Variants in COL27A1 observed in about 807,000 individuals in gnomAD.
COL27A1 encodes the protein collagen type XXVII alpha 1 chain.
In COL27A1, 106 loss-of-function variants were observed where a neutral mutation model predicts 251.3. The observed-to-expected ratio is 0.42, with a 90% CI of 0.36 to 0.50. The LOEUF is 0.50. Among genes scored for constraint, COL27A1 ranks in the 20% least tolerant of loss-of-function variants. The pLI is 0.00. For synonymous variants in COL27A1, 1,000 were observed against 986.3 expected, an observed-to-expected ratio of 1.01 and a Z score of -0.26; for missense variants, 2,325 against 2,522.8, an observed-to-expected ratio of 0.92 and a Z score of 1.68.
intron 49 of COL27A1, among the ~76,000 whole-genome samples, chr9:114,296,237 C>T (rs1251357873): frequency 6.6e-6 from 1 of 152,078 alleles, no homozygotes; most frequent in Non-Finnish European, 1.5e-5. Flanking sequence ...TTTTGCTCTT[C>T]AAAGGACACT....
In COL27A1 at chr9:114,258,592, C is replaced by T. The variant is rs1204182728; in HGVS notation, c.3193C>T (p.Arg1065Trp). The T allele has an allele frequency of 8.7e-6, 14 of 1,613,840 alleles. No homozygotes were observed. The highest frequency in any genetic ancestry group is 5.3e-5 in the African/African-American group (4 of 74,936). ...AGGCATGAGGGGAGCAAAGGGACGTCGGGTAAGTCGAGCCCAGCTCCTGGG... is the reference window on the plus strand; with the variant it reads ...AGGCATGAGGGGAGCAAAGGGACGTTGGGTAAGTCGAGCCCAGCTCCTGGG... ...PPGMRGAKGRRGPRGPDGPAG... is the reference protein window; with the variant it reads ...PPGMRGAKGRWGPRGPDGPAG... The change falls in exon 28 of 61, where the codon CGG (arginine) becomes TGG (tryptophan). Residue 1065 changes from arginine to tryptophan, a missense_variant and splice_region_variant. Coordinates refer to ENST00000356083, the MANE Select transcript of COL27A1 (RefSeq NM_032888.4).
At chr9:114,232,235 A>G (rs1269901177) in intron 16 of COL27A1, among the ~76,000 whole-genome samples, 2 of 152,128 alleles carry the variant, frequency 1.3e-5, no homozygotes, top group Non-Finnish European at 2.9e-5. Flanking sequence ...ACAAATCTAC[A>G]TAGATCACCC....
At chr9:114,172,649 C>G (rs944766193) in intron 3 of COL27A1, among the ~76,000 whole-genome samples, 1 of 152,072 alleles carries the variant, frequency 6.6e-6, no homozygotes, top group African/African-American at 2.4e-5. Context: ...CAAGAATTAG[C>G]CAGGCATGGT....
Position 114,258,561 on chromosome 9 carries a change from C to T in COL27A1, c.3162C>T (p.Gly1054=). The T allele has an allele frequency of 1.2e-6, 2 of 1,614,122 alleles. No homozygotes were observed. The highest frequency in any genetic ancestry group is 1.7e-6 in the Non-Finnish European group (2 of 1,180,016). The change falls in exon 28 of 61, where the codon GGC becomes GGT. Residue 1054 remains glycine, a synonymous_variant. Transcript: ENST00000356083. ...CCCAGGGTCCTCCAGGATCTCGAGGCCCACCAGGCATGAGGGGAGCAAAGG... is the reference window on the plus strand; with the variant it reads ...CCCAGGGTCCTCCAGGATCTCGAGGTCCACCAGGCATGAGGGGAGCAAAGG... ...PGPQGPPGSR[G]PPGMRGAKGR...
chr9:114,310,453 A>G, intron 60 of COL27A1, 96 bp from the exon 61 acceptor site: 1 of 1,371,486 alleles, frequency 7.3e-7, no homozygotes, highest in East Asian at 2.3e-5. Context: ...CAGTATAGCC[A>G]TTAAAAATTG....
rs775062284 is a variant in COL27A1 at position 114,205,862 on chromosome 9, G to C, written c.2223+50G>C. 1.6e-5 allele frequency: 25 copies of C among 1,534,536 alleles called. No individual in the cohort carries two copies. The South Asian group carries it at 3.0e-4, about 18-fold the overall frequency. On this transcript the variant is annotated intron_variant, in intron 9 of 60. Coordinates refer to ENST00000356083, the MANE Select transcript of COL27A1 (RefSeq NM_032888.4). ...TCTGTGGCCATGGTGATGTGAAGAT[G>C]GCCACAGGTGCCCCGAGGCAGAGGG...
chr9:114,292,114 G>C lies in COL27A1; in HGVS notation c.4488G>C (p.Gly1496=). ...QGPPGFKGES[G]LPGQLGPPGK... is the part of the protein sequence containing the mutation. The stretch of plus-strand genomic sequence containing the variant: ...TGTGTTTCTTTAAGGGTGAGAGTGG[G>C]TTACCCGGACAGCTGGGTCCCCCTG... The change falls in exon 49 of 61, where the codon GGG becomes GGC. Residue 1496 remains glycine, a synonymous_variant. Transcript: ENST00000356083. The C allele has an allele frequency of 1.3e-6, 2 of 1,557,350 alleles. No individual in the cohort carries two copies. Among genetic ancestry groups the C allele is most frequent in the Non-Finnish European group, 8.7e-7 (1 of 1,150,258 alleles).
chr9:114,194,537 C>T, intron 6 of COL27A1, 80 bp downstream of exon 6: 1 of 1,258,860 alleles, frequency 7.9e-7, no homozygotes, highest in Non-Finnish European at 1.1e-6. Context: ...AGCTAGCTGT[C>T]CTGCCAGAGG....
intron 5 of COL27A1, 69 bp from the exon 6 acceptor site, chr9:114,194,335 G>A: frequency 6.8e-7 from 1 of 1,473,320 alleles, no homozygotes; most frequent in South Asian, 1.1e-5. Context: ...GCTTTGAGCA[G>A]AGTTTGTGGG....
At chr9:114,292,287 A>G in intron 49 of COL27A1, 77 bp downstream of exon 49, 1 of 1,110,470 alleles carries the variant, frequency 9.0e-7, no homozygotes, top group Non-Finnish European at 1.3e-6. Context: ...ATGTACAAAC[A>G]CATGCACACT....
intron 7 of COL27A1, among the ~76,000 whole-genome samples, chr9:114,204,614 G>A (rs1166159483): frequency 1.3e-5 from 2 of 152,152 alleles, no homozygotes; most frequent in Non-Finnish European, 2.9e-5. Flanking sequence ...TGGTCAAGGC[G>A]TGTGATGGGG....
intron 7 of COL27A1, 90 bp downstream of exon 7, chr9:114,196,102 C>T: frequency 8.9e-7 from 1 of 1,124,582 alleles, no homozygotes; most frequent in Admixed American, 1.7e-5. Context: ...CCACCTGCCT[C>T]TCCCCAGCCC....
intron 4 of COL27A1, 72 bp from the exon 5 acceptor site, chr9:114,182,950 C>A: frequency 7.9e-7 from 1 of 1,269,672 alleles, no homozygotes; most frequent in Non-Finnish European, 1.1e-6. Flanking sequence ...AGGTGCCAGG[C>A]ATTGCTGTCA....
At chr9:114,284,850 A>T in intron 41 of COL27A1, 73 bp downstream of exon 41, 1 of 1,533,950 alleles carries the variant, frequency 6.5e-7, no homozygotes, top group Admixed American at 1.7e-5. Context: ...GGCCAGCAGG[A>T]GAAAGCCCCT....
At chr9:114,198,721 C>T (rs1829343718) in intron 7 of COL27A1, among the ~76,000 whole-genome samples, 1 of 152,152 alleles carries the variant, frequency 6.6e-6, no homozygotes, top group Non-Finnish European at 1.5e-5. Context: ...AGGTTTGTTT[C>T]TCTGCCACCG....
chr9:114,306,933 T>G, intron 58 of COL27A1: 1 of 486,194 alleles, frequency 2.1e-6, no homozygotes, highest in Non-Finnish European at 3.6e-6. Flanking sequence ...GCTGTAAGAG[T>G]CCCCACCCCT....
chr9:114,287,449 G>A (rs1320257755), intron 41 of COL27A1, among the ~76,000 whole-genome samples: 1 of 152,102 alleles, frequency 6.6e-6, no homozygotes, highest in Non-Finnish European at 1.5e-5. Flanking sequence ...CCTGTGGGTG[G>A]ACCAGGGCCT....
intron 14 of COL27A1, among the ~76,000 whole-genome samples, chr9:114,225,130 G>A (rs1831378736): frequency 2.0e-5 from 3 of 152,026 alleles, no homozygotes; most frequent in Admixed American, 2.0e-4. Flanking sequence ...GTCCAGTCTG[G>A]CAACGCTATT....
intron 14 of COL27A1, among the ~76,000 whole-genome samples, chr9:114,224,943 A>T (rs1831367662): frequency 6.6e-6 from 1 of 152,030 alleles, no homozygotes; most frequent in Non-Finnish European, 1.5e-5. Context: ...CTGGTTCTTT[A>T]AAAGGTCATT....
Sources: gnomAD v4.1 joint callset for allele counts (sites outside exome capture counted in the v4.1 genomes callset) on GRCh38, gnomAD v4.1.1 for gene constraint, MANE v1.5 for transcripts, NCBI Gene and HGNC (gene_info 2026-07-23, HGNC 2026-07-21) for gene names.